Variants in AGAP1 observed in about 807,000 individuals in gnomAD.
The protein encoded by AGAP1 is arf-GAP with GTPase, ANK repeat and PH domain-containing protein 1.
A neutral mutation model predicts 105.3 loss-of-function variants in AGAP1; 29 were observed. The observed-to-expected ratio is 0.28, with a 90% CI of 0.21 to 0.38. The LOEUF (loss-of-function observed/expected upper bound fraction) is 0.38, where lower values mean the gene tolerates loss of function less well. Among genes scored for constraint, AGAP1 ranks in the 10% least tolerant of loss-of-function variants. The pLI, the probability that AGAP1 is intolerant of heterozygous loss-of-function variation, is 1.00. For missense variants in AGAP1, 998 were observed against 1,165.1 expected, an observed-to-expected ratio of 0.86 and a Z score of 2.09; for synonymous variants, 509 against 485.9, an observed-to-expected ratio of 1.05 and a Z score of -0.63.
At chr2:236,029,804 T>C (rs1241867537) in intron 13 of AGAP1, among the ~76,000 whole-genome samples, 1 of 152,112 alleles carries the variant, frequency 6.6e-6, no homozygotes, top group Non-Finnish European at 1.5e-5. Context: ...ATTGGTGTGG[T>C]CACAGCTCAC....
chr2:235,975,346 T>G (rs545560310), intron 13 of AGAP1, among the ~76,000 whole-genome samples: 55 of 152,138 alleles, frequency 3.6e-4, no homozygotes, highest in African/African-American at 1.1e-3. Context: ...TACAGTGTTG[T>G]TTTTTTTCTT....
In AGAP1 at chr2:235,787,401, A is replaced by G. The variant is rs902152391; in HGVS notation, c.674-10358A>G. Among the ~76,000 whole-genome samples, 23 of 152,118 alleles carry G rather than the reference A, an allele frequency of 1.5e-4. No homozygotes were observed. The highest frequency in any genetic ancestry group is 3.2e-3 in the Middle Eastern group (1 of 316). On this transcript the variant is annotated intron_variant, in intron 6 of 17. Transcript: ENST00000304032. The surrounding 1 kb of genome is among the most constrained non-coding windows in gnomAD (Gnocchi z 4.4). ...TCTCAGTATTTCCCCCTTGCAGATT[A>G]TTCCTTCTTTGTCTGCATCATAGAC...
intron 11 of AGAP1, among the ~76,000 whole-genome samples, chr2:235,922,883 A>G (rs573103152): frequency 2.0e-5 from 3 of 152,344 alleles, no homozygotes; most frequent in African/African-American, 7.2e-5. Context: ...TTTCAAATCA[A>G]CTCTTCCACT....
chr2:235,945,915 G>A (rs1277437456), intron 12 of AGAP1, among the ~76,000 whole-genome samples: 1 of 147,214 alleles, frequency 6.8e-6, no homozygotes, highest in East Asian at 2.1e-4. Context: ...GCGATATGGG[G>A]GGACTTGCCG....
At chr2:235,778,249 C>T (rs1404657359) in intron 6 of AGAP1, among the ~76,000 whole-genome samples, 1 of 152,214 alleles carries the variant, frequency 6.6e-6, no homozygotes, top group Non-Finnish European at 1.5e-5. Flanking sequence ...GCCATCAGAG[C>T]CCTGGCCCCA....
At chr2:235,680,265 G>T (rs1383390364) in intron 1 of AGAP1, among the ~76,000 whole-genome samples, 2 of 152,208 alleles carry the variant, frequency 1.3e-5, no homozygotes, top group Non-Finnish European at 2.9e-5. Context: ...AAAATATTAA[G>T]AATTCAAGGA....
At chr2:235,871,516 C>A (rs1299165301) in intron 9 of AGAP1, among the ~76,000 whole-genome samples, 1 of 152,232 alleles carries the variant, frequency 6.6e-6, no homozygotes, top group East Asian at 1.9e-4. Context: ...ACTGTCCTCA[C>A]AACTTCCACT....
Position 235,535,615 on chromosome 2 carries a change from C to T in AGAP1, c.163+40766C>T, listed in dbSNP as rs901584830. Among the ~76,000 whole-genome samples the T allele has an allele frequency of 6.6e-5, 10 of 151,948 alleles. No individual in the cohort carries two copies. The highest frequency in any genetic ancestry group is 4.8e-5 in the African/African-American group (2 of 41,380). ...AGGTTTCCTCAAAGACCCTGGGGGC[C>T]GGGCGGGGCTGTGCCAGGCACCCGC... On this transcript the variant is annotated intron_variant, in intron 1 of 17. Coordinates refer to ENST00000304032, the MANE Select transcript of AGAP1 (RefSeq NM_001037131.3). This position sits in a 1 kb window ranked among gnomAD's most constrained non-coding sequence, Gnocchi z 5.1.
chr2:235,898,458 T>C (rs2050911010), intron 10 of AGAP1, among the ~76,000 whole-genome samples: 1 of 151,376 alleles, frequency 6.6e-6, no homozygotes, highest in African/African-American at 2.4e-5. Context: ...GTCATGCGTT[T>C]GCAGAGGACA....
intron 1 of AGAP1, among the ~76,000 whole-genome samples, chr2:235,501,585 T>A (rs1941563634): frequency 2.0e-5 from 3 of 152,200 alleles, no homozygotes; most frequent in Admixed American, 1.3e-4. Context: ...GCCCTGTTGC[T>A]ACCACCTCTT....
chr2:235,991,240 CTCTG>C (rs1182684156), intron 13 of AGAP1, among the ~76,000 whole-genome samples: 2 of 152,308 alleles, frequency 1.3e-5, no homozygotes, highest in Admixed American at 6.5e-5. Flanking sequence ...TTTCTTATTT[CTCTG>C]TCCTTTAATT....
In AGAP1 at chr2:235,930,657, G is replaced by A. The variant is rs571477503; in HGVS notation, c.1325-108G>A. 7.1e-4 allele frequency: 821 copies of A among 1,153,432 alleles called. 13 individuals carry two copies. The South Asian group carries it at 0.011, about 16-fold the overall frequency. The allele number at this position is 1,153,432 out of a possible 1,614,324, so 71.4% of individuals were successfully genotyped here. A position where few individuals can be genotyped will look rare whatever the true frequency, so the allele number is the denominator to read the frequency against. ...TGCAGGCAGGACAGGGGCTGCTCTC[G>A]GTGGTAAGGTGCACTATGTGCCAGC... is the stretch of plus-strand genomic sequence containing the variant. On this transcript the variant is annotated intron_variant, in intron 11 of 17. Coordinates refer to ENST00000304032, the MANE Select transcript of AGAP1 (RefSeq NM_001037131.3). This position sits in a 1 kb window ranked among gnomAD's most constrained non-coding sequence, Gnocchi z 7.9.
rs1444738486 is a variant in AGAP1 at position 236,119,237 on chromosome 2, C to T, written c.2115-955C>T. Among the ~76,000 whole-genome samples the T allele has an allele frequency of 6.6e-6, 1 of 152,138 alleles. No homozygotes were observed. Among genetic ancestry groups the T allele is most frequent in the Non-Finnish European group, 1.5e-5 (1 of 68,010 alleles). ...CCATCCACCCCCTCCCCAGCTTTGT[C>T]CTCTCCTCTGCCTCTGGGCTCAGCT... On this transcript the variant is annotated intron_variant, in intron 16 of 17. Transcript: ENST00000304032. This position sits in a 1 kb window ranked among gnomAD's most constrained non-coding sequence, Gnocchi z 6.6.
rs181047071 is a variant in AGAP1, at chr2:235,638,755, C to T, written c.164-70424C>T. On this transcript the variant is annotated intron_variant, in intron 1 of 17. Transcript: ENST00000304032. ...CTTGCCAGTGGAGAACAGGCTGAGG[C>T]CGGAGGAGGAGGGAGCAGCCAGGAA... is the stretch of plus-strand genomic sequence containing the variant. Among the ~76,000 whole-genome samples, 308 of 152,266 alleles carry T rather than the reference C, an allele frequency of 2.0e-3. 7 individuals are homozygous for T. The highest frequency in any genetic ancestry group is 0.015 in the Admixed American group (234 of 15,284).
At chr2:236,102,212 T>G (rs1043832874) in intron 16 of AGAP1, among the ~76,000 whole-genome samples, 3 of 151,924 alleles carry the variant, frequency 2.0e-5, no homozygotes, top group African/African-American at 4.8e-5. Context: ...GGTCAGGAGA[T>G]CGAGACCATC....
chr2:235,610,638 A>T lies in AGAP1; in HGVS notation c.164-98541A>T, dbSNP rs1946094348. Among the ~76,000 whole-genome samples the T allele has an allele frequency of 6.6e-6, 1 of 152,018 alleles. No individual in the cohort carries two copies. The highest frequency in any genetic ancestry group is 2.4e-5 in the African/African-American group (1 of 41,380). ...CATTGGGGGTTGAGCTTTAAATACA[A>T]ATTTCAGGAGAGCTCAATACAGCCC... On this transcript the variant is annotated intron_variant, in intron 1 of 17. Coordinates refer to ENST00000304032, the MANE Select transcript of AGAP1 (RefSeq NM_001037131.3). This position sits in a 1 kb window ranked among gnomAD's most constrained non-coding sequence, Gnocchi z 4.9.
chr2:235,726,808 G>C (rs1951671389), intron 3 of AGAP1, among the ~76,000 whole-genome samples: 1 of 152,172 alleles, frequency 6.6e-6, no homozygotes, highest in Non-Finnish European at 1.5e-5. Flanking sequence ...GCAGGGAGGG[G>C]GTGGGCCAGT....
At chr2:235,629,268 TTG>T (rs60059513) in intron 1 of AGAP1, among the ~76,000 whole-genome samples, 12,151 of 135,298 alleles carry the variant, frequency 0.09, 298 homozygotes, top group Admixed American at 0.12. Context: ...GTAGTAGTCA[TTG>T]TGTGTGTGTG....
chr2:235,696,727 G>T (rs1471968362), intron 1 of AGAP1, among the ~76,000 whole-genome samples: 2 of 152,094 alleles, frequency 1.3e-5, no homozygotes, highest in Non-Finnish European at 2.9e-5. Context: ...ACTTATCTGT[G>T]GGGGAAAAAT....
Sources: allele counts gnomAD v4.1 joint callset (sites outside exome capture counted in the v4.1 genomes callset), GRCh38; gene constraint gnomAD v4.1.1; non-coding constraint Gnocchi (gnomAD v3.1); transcripts MANE v1.5; gene names NCBI Gene and HGNC (gene_info 2026-07-23, HGNC 2026-07-21).